The following PUM2 variants were observed in gnomAD, a reference collection of about 807,000 sequenced individuals.
PUM2 encodes the protein pumilio homolog 2.
Under a neutral mutation model 124.5 loss-of-function variants are expected in PUM2, and 57 were observed. That is an observed-to-expected ratio of 0.46 (90% CI 0.37 to 0.57). The LOEUF is 0.57. PUM2 is among the 20% of genes least tolerant of loss of function. The pLI is 0.00. For missense variants in PUM2, 1,065 were observed against 1,290.6 expected (o/e 0.83, Z 2.68); for synonymous variants, 460 against 446.1 (o/e 1.03, Z -0.39).
rs1186317893 is a variant in PUM2 at position 20,297,694 on chromosome 2, G to A, written c.884-16C>T. ...AATACACCAGCTATATTTTAAAAGG[G>A]GAGAAATAATAAACAACAATGTAAA... On this transcript the variant is annotated splice_polypyrimidine_tract_variant and intron_variant, in intron 7 of 20. Coordinates refer to ENST00000361078, the MANE Select transcript of PUM2 (RefSeq NM_015317.5). The A allele has an allele frequency of 6.2e-7, 1 of 1,602,534 alleles. No homozygotes were observed. The highest frequency in any genetic ancestry group is 1.1e-5 in the South Asian group (1 of 89,012).
intron 16 of PUM2, 81 bp downstream of exon 16, chr2:20,258,162 G>T: frequency 7.7e-7 from 1 of 1,292,350 alleles, no homozygotes; most frequent in East Asian, 2.6e-5. Flanking sequence ...TTCACTTCAA[G>T]ATTACTGTAA....
At chr2:20,345,103 T>C (rs541573881) in intron 1 of PUM2, among the ~76,000 whole-genome samples, 12 of 150,116 alleles carry the variant, frequency 8.0e-5, no homozygotes, top group African/African-American at 2.7e-4. Context: ...TTTTTTTTTT[T>C]GCGGCGGGGC....
chr2:20,303,435 G>T (rs1435017234), intron 7 of PUM2, among the ~76,000 whole-genome samples: 12 of 129,758 alleles, frequency 9.2e-5, no homozygotes, highest in South Asian at 2.5e-4. Context: ...AAGCTTTCAA[G>T]TTTTTTTTTT....
chr2:20,297,215 T>C (rs974403409), intron 8 of PUM2, among the ~76,000 whole-genome samples: 1 of 152,220 alleles, frequency 6.6e-6, no homozygotes, highest in African/African-American at 2.4e-5. Flanking sequence ...ACCTCTATTT[T>C]ATTTTCTGAG....
At chr2:20,279,440 G>A (rs1346878295) in intron 12 of PUM2, among the ~76,000 whole-genome samples, 2 of 152,038 alleles carry the variant, frequency 1.3e-5, no homozygotes, top group South Asian at 2.1e-4. Context: ...AAAGTAACTC[G>A]ACTTTTCTAA....
rs1271516897 is a variant in PUM2 at position 20,346,818 on chromosome 2, A to G, written c.-19+3779T>C. On this transcript the variant is annotated intron_variant, in intron 1 of 20. Coordinates refer to ENST00000361078, the MANE Select transcript of PUM2 (RefSeq NM_015317.5). ...TACTGACTAAGTGGTTTTGAGTACA[A>G]TTTCATAGCCAATTGTACCAAGTCC... Among the ~76,000 whole-genome samples, 3 of 152,176 alleles carry G rather than the reference A, an allele frequency of 2.0e-5. No homozygotes were observed. In the East Asian group the frequency reaches 5.8e-4, roughly 29 times the overall value.
At chr2:20,306,984 G>A (rs562100770) in intron 7 of PUM2, among the ~76,000 whole-genome samples, 1 of 151,868 alleles carries the variant, frequency 6.6e-6, no homozygotes, top group Non-Finnish European at 1.5e-5. Flanking sequence ...GAGGCCGAGG[G>A]GGGGCTGATC....
chr2:20,251,725 C>T lies in PUM2; in HGVS notation c.3064-9G>A, dbSNP rs1333932122. On this transcript the variant is annotated splice_polypyrimidine_tract_variant and intron_variant, in intron 20 of 20. Coordinates refer to ENST00000361078, the MANE Select transcript of PUM2 (RefSeq NM_015317.5). The stretch of plus-strand genomic sequence containing the variant: ...GTAATGTGAGGTCGAATCTGAAAAA[C>T]AAATAATCTGCTTAGAAAATCTAAG... 2 of 1,611,196 alleles carry T rather than the reference C, an allele frequency of 1.2e-6. No individual in the cohort carries two copies. Among genetic ancestry groups the T allele is most frequent in the South Asian group, 1.1e-5 (1 of 90,490 alleles).
intron 18 of PUM2, 63 bp downstream of exon 18, chr2:20,255,148 ATTTCT>A: frequency 6.6e-7 from 1 of 1,510,776 alleles, no homozygotes. Context: ...AACAAATTGT[ATTTCT>A]TTTAAAAATT....
At position 20,253,278 on chromosome 2, in the gene PUM2, C is replaced by A. The variant is rs79045377; in HGVS notation, c.3063+544G>T. 2.6e-5 allele frequency among the ~76,000 whole-genome samples: 4 copies of A among 152,094 alleles called. No individual in the cohort carries two copies. The South Asian group carries it at 8.3e-4, about 32-fold the overall frequency. On this transcript the variant is annotated intron_variant, in intron 20 of 20. Transcript: ENST00000361078. ...TGGAGTGCACTGGCATGAACACAGCCCACTGTAGCCTCAACCTCCGGGACT... is the reference window on the plus strand; with the variant it reads ...TGGAGTGCACTGGCATGAACACAGCACACTGTAGCCTCAACCTCCGGGACT...
At chr2:20,314,779 T>G (rs1236268654) in intron 3 of PUM2, among the ~76,000 whole-genome samples, 1 of 152,212 alleles carries the variant, frequency 6.6e-6, no homozygotes, top group Non-Finnish European at 1.5e-5. Context: ...TATTGATTCA[T>G]TCTCTTGTAT....
intron 8 of PUM2, among the ~76,000 whole-genome samples, chr2:20,294,812 T>C (rs1306488388): frequency 6.6e-6 from 1 of 152,218 alleles, no homozygotes. Flanking sequence ...ATACAGATAA[T>C]ATATTCAGGG....
chr2:20,261,764 A>C (rs1159654149), intron 14 of PUM2, among the ~76,000 whole-genome samples: 1 of 152,222 alleles, frequency 6.6e-6, no homozygotes, highest in South Asian at 2.1e-4. Context: ...GTAAACAGAA[A>C]AAGTCTCATA....
chr2:20,282,923 C>T lies in PUM2; in HGVS notation c.1720+24G>A, dbSNP rs370970442. 53 of 1,606,464 alleles carry T rather than the reference C, an allele frequency of 3.3e-5. 1 individual carries two copies. The Admixed American group carries it at 8.9e-4, about 27-fold the overall frequency. On this transcript the variant is annotated intron_variant, in intron 12 of 20. Coordinates refer to ENST00000361078, the MANE Select transcript of PUM2 (RefSeq NM_015317.5). ...TATACCTCTTCCACTTAGCAGAGTA[C>T]ACTCATCGTAAAAACAAACTTACCT...
Position 20,258,383 on chromosome 2 carries a change from G to A in PUM2, c.2356-12C>T, listed in dbSNP as rs1665330245. ...TCCAGACTCCCAAACTGACAGAAAAGATATAACATTAATAACAAGTGACCT... is the reference window on the plus strand; with the variant it reads ...TCCAGACTCCCAAACTGACAGAAAAAATATAACATTAATAACAAGTGACCT... On this transcript the variant is annotated splice_polypyrimidine_tract_variant and intron_variant, in intron 15 of 20. Coordinates refer to ENST00000361078, the MANE Select transcript of PUM2 (RefSeq NM_015317.5). 1.2e-6 allele frequency: 2 copies of A among 1,609,294 alleles called. No homozygotes were observed. The highest frequency in any genetic ancestry group is 2.2e-5 in the South Asian group (2 of 90,248).
At position 20,254,851 on chromosome 2, in the gene PUM2, G is replaced by C. The variant is rs780768089; in HGVS notation, c.2870+12C>G. 7 of 1,611,164 alleles carry C rather than the reference G, an allele frequency of 4.3e-6. No homozygotes were observed. In the African/African-American group the frequency reaches 9.4e-5, roughly 22 times the overall value. ...AAGAATTGACCCTTAAAATTACAAA[G>C]TATTACAATACCTGGCAAATTTGTG... On this transcript the variant is annotated intron_variant, in intron 19 of 20. Transcript: ENST00000361078.
At chr2:20,274,546 C>G (rs965648317) in intron 13 of PUM2, among the ~76,000 whole-genome samples, 3 of 152,058 alleles carry the variant, frequency 2.0e-5, no homozygotes, top group African/African-American at 7.2e-5. Flanking sequence ...TAATCCACAG[C>G]AAACTAAAGC....
At chr2:20,352,214 C>G (rs1307338291), upstream of PUM2, 1 of 152,238 alleles carries the variant, frequency 6.6e-6, no homozygotes, top group Admixed American at 6.5e-5. Flanking sequence ...GACAGTCTTC[C>G]TCTGCCTCCT....
At chr2:20,331,131 G>GA (rs201576911) in intron 1 of PUM2, among the ~76,000 whole-genome samples, 40,842 of 143,218 alleles carry the variant, frequency 0.29, 5,943 homozygotes, top group Middle Eastern at 0.36. Context: ...TTGGGGAGAG[G>GA]AAAAAAAAAA....
Sources: allele counts gnomAD v4.1 joint callset (sites outside exome capture counted in the v4.1 genomes callset), GRCh38; gene constraint gnomAD v4.1.1; transcripts MANE v1.5; gene names NCBI Gene and HGNC (gene_info 2026-07-23, HGNC 2026-07-21).